The following ZFAND3 variants were observed in gnomAD, a reference collection of about 807,000 sequenced individuals.
ZFAND3 encodes the protein zinc finger AN1-type containing 3.
ZFAND3 carries 10 observed loss-of-function variants against 29.6 expected under a neutral mutation model. That is an observed-to-expected ratio of 0.34 (90% CI 0.21 to 0.57). The LOEUF (loss-of-function observed/expected upper bound fraction) is 0.57. Ranked by LOEUF, ZFAND3 falls within the 20% of genes least tolerant of loss-of-function variation. The probability of loss-of-function intolerance (pLI) is 0.86; values close to 1 mark genes in which losing one functional copy is unlikely to be tolerated. For synonymous variants in ZFAND3, 128 were observed against 112.6 expected (o/e 1.14, Z -0.87); for missense variants, 230 against 304.5 (o/e 0.76, Z 1.82).
intron 5 of ZFAND3, among the ~76,000 whole-genome samples, chr6:38,121,772 A>G (rs1420303931): frequency 6.6e-6 from 1 of 152,194 alleles, no homozygotes; most frequent in Non-Finnish European, 1.5e-5. Context: ...TGTTGATGTT[A>G]ATTTTGATAT....
chr6:38,064,901 A>G (rs1403678640), intron 3 of ZFAND3, among the ~76,000 whole-genome samples: 10 of 152,102 alleles, frequency 6.6e-5, no homozygotes, highest in Non-Finnish European at 1.0e-4. Context: ...TTAAGTTTGT[A>G]TTGTGTGCAA....
At position 38,045,054 on chromosome 6, in the gene ZFAND3, TTTTATTTATTTA is replaced by T. The variant is rs3047087; in HGVS notation, c.113-16500_113-16489del. Among the ~76,000 whole-genome samples, 1,114 of 134,772 alleles carry T rather than the reference TTTTATTTATTTA, an allele frequency of 8.3e-3. 9 individuals carry two copies. The highest frequency in any genetic ancestry group is 0.013 in the Admixed American group (176 of 13,198). 88.4% of individuals were successfully genotyped at this position (134,772 alleles called of 152,430 possible). ...CTGTCATCTCCCCATGTGGAAATTCTTTTATTTATTTATTTATTTATTTATTTATTTATTTAT... is the reference window on the plus strand; with the variant it reads ...CTGTCATCTCCCCATGTGGAAATTCTTTTATTTATTTATTTATTTATTTAT... On this transcript the variant is annotated intron_variant, in intron 2 of 5. Coordinates refer to ENST00000287218, the MANE Select transcript of ZFAND3 (RefSeq NM_021943.3).
intron 1 of ZFAND3, among the ~76,000 whole-genome samples, chr6:37,842,312 C>T (rs1445492364): frequency 2.6e-5 from 4 of 152,134 alleles, no homozygotes; most frequent in African/African-American, 9.7e-5. Flanking sequence ...CAGGCTGGTC[C>T]CTTCTGCTGT....
At position 37,877,885 on chromosome 6, in the gene ZFAND3, G is replaced by A. The variant is rs138908062; in HGVS notation, c.72-52074G>A. Among the ~76,000 whole-genome samples the A allele has an allele frequency of 5.2e-4, 79 of 152,320 alleles. No individual in the cohort carries two copies. The East Asian group carries it at 0.012, about 23-fold the overall frequency. On this transcript the variant is annotated intron_variant, in intron 1 of 5. Transcript: ENST00000287218. ...GAGTTTTATTTTAAGTGAAGCAGAC[G>A]CTGGAAGGTTTTAAGCAGGGAATGA...
intron 1 of ZFAND3, among the ~76,000 whole-genome samples, chr6:37,896,568 T>TTCTTTTCTTTCTTTCTTTCTC (rs1347314739): frequency 5.5e-5 from 8 of 145,744 alleles, no homozygotes; most frequent in South Asian, 2.2e-4. Context: ...CTTTCTTTCT[T>TTCTTTTCTTTCTTTCTTTCTC]TCTCTCTTTC....
chr6:38,041,622 T>A (rs199741700), intron 2 of ZFAND3, among the ~76,000 whole-genome samples: 1 of 118,112 alleles, frequency 8.5e-6, no homozygotes, highest in Admixed American at 8.2e-5. Flanking sequence ...ACTGTTTTTT[T>A]ATCTACTTTT....
intron 1 of ZFAND3, among the ~76,000 whole-genome samples, chr6:37,844,019 T>C (rs960189160): frequency 3.3e-5 from 5 of 151,620 alleles, no homozygotes; most frequent in African/African-American, 1.2e-4. Context: ...TTGGGCTCAA[T>C]TGATCCTCCC....
At chr6:38,090,220 A>G (rs1242728375) in intron 4 of ZFAND3, among the ~76,000 whole-genome samples, 1 of 152,164 alleles carries the variant, frequency 6.6e-6, no homozygotes, top group Non-Finnish European at 1.5e-5. Flanking sequence ...TTGGTCCTTC[A>G]GGTATAGCTC....
rs1765918307 is a variant in ZFAND3, at chr6:38,140,045, G to GC, written c.530-12188dup. 2.0e-5 allele frequency among the ~76,000 whole-genome samples: 3 copies of GC among 152,296 alleles called. No homozygotes were observed. The South Asian group carries it at 6.2e-4, about 32-fold the overall frequency. On this transcript the variant is annotated intron_variant, in intron 5 of 5. Coordinates refer to ENST00000287218, the MANE Select transcript of ZFAND3 (RefSeq NM_021943.3). ...TGATGACTCCAGGTTTGTGTCATGA[G>GC]CCACTGGCTGCATGGTGGCCCTATT...
rs537734064 is a variant in ZFAND3, at chr6:37,974,081, A to G, written c.112+44082A>G. Among the ~76,000 whole-genome samples, 170 of 152,254 alleles carry G rather than the reference A, an allele frequency of 1.1e-3. 1 individual carries two copies. The highest frequency in any genetic ancestry group is 1.7e-3 in the Admixed American group (26 of 15,300). On this transcript the variant is annotated intron_variant, in intron 2 of 5. Coordinates refer to ENST00000287218, the MANE Select transcript of ZFAND3 (RefSeq NM_021943.3). ...ATAATTATTCTTTTGGCTAATTCCC[A>G]TACCTGCCACCTTTACCTTCATTAT...
At chr6:37,964,051 CT>C (rs1255098090) in intron 2 of ZFAND3, among the ~76,000 whole-genome samples, 1 of 151,986 alleles carries the variant, frequency 6.6e-6, no homozygotes, top group African/African-American at 2.4e-5. Flanking sequence ...TCTATTTCTC[CT>C]TCTGTTTCAT....
intron 2 of ZFAND3, among the ~76,000 whole-genome samples, chr6:38,053,304 ATTTTTT>A (rs60101357): frequency 2.1e-5 from 3 of 145,250 alleles, no homozygotes; most frequent in East Asian, 4.0e-4. Context: ...TTTTCTTACA[ATTTTTT>A]TTTTTTTTTG....
At chr6:37,879,352 G>C (rs541870899) in intron 1 of ZFAND3, among the ~76,000 whole-genome samples, 2 of 150,268 alleles carry the variant, frequency 1.3e-5, no homozygotes, top group Non-Finnish European at 3.0e-5. Flanking sequence ...TTTTTTTTGT[G>C]GGGGAGCGGG....
intron 5 of ZFAND3, among the ~76,000 whole-genome samples, chr6:38,146,735 T>G (rs1410411294): frequency 6.6e-6 from 1 of 152,172 alleles, no homozygotes; most frequent in Non-Finnish European, 1.5e-5. Flanking sequence ...CCTCTCTCTT[T>G]TTGGGGGGTG....
At chr6:38,121,142 C>T (rs1169245737) in intron 5 of ZFAND3, among the ~76,000 whole-genome samples, 1 of 152,124 alleles carries the variant, frequency 6.6e-6, no homozygotes, top group Admixed American at 6.5e-5. Context: ...TCCCTTGAGG[C>T]CAGGAGTTCA....
chr6:37,999,533 G>A (rs1276638001), intron 2 of ZFAND3, among the ~76,000 whole-genome samples: 1 of 152,178 alleles, frequency 6.6e-6, no homozygotes, highest in Non-Finnish European at 1.5e-5. Flanking sequence ...CATATTGATT[G>A]CATATACCCT....
At chr6:37,856,126 C>G (rs1294653199) in intron 1 of ZFAND3, among the ~76,000 whole-genome samples, 1 of 151,900 alleles carries the variant, frequency 6.6e-6, no homozygotes, top group Non-Finnish European at 1.5e-5. Context: ...TCCTGAGTAG[C>G]TGGGACAACA....
intron 1 of ZFAND3, among the ~76,000 whole-genome samples, chr6:37,905,833 T>C (rs547295363): frequency 2.6e-5 from 4 of 152,192 alleles, no homozygotes; most frequent in African/African-American, 9.6e-5. Context: ...TTTAAGGATT[T>C]AACTGAAATT....
intron 2 of ZFAND3, among the ~76,000 whole-genome samples, chr6:37,945,825 T>C (rs933303055): frequency 1.3e-5 from 2 of 152,236 alleles, no homozygotes; most frequent in Non-Finnish European, 2.9e-5. Flanking sequence ...GCAGACTTTT[T>C]CCTTTTTTGG....
Sources: gnomAD v4.1 joint callset for allele counts (sites outside exome capture counted in the v4.1 genomes callset) on GRCh38, gnomAD v4.1.1 for gene constraint, MANE v1.5 for transcripts, NCBI Gene and HGNC (gene_info 2026-07-23, HGNC 2026-07-21) for gene names.